KIF26B: variants seen among roughly 807,000 people sequenced by gnomAD.
The protein encoded by KIF26B is kinesin family member 26B.
In KIF26B, 63 loss-of-function variants were observed where a neutral mutation model predicts 151.2. That is an observed-to-expected ratio of 0.42 (90% CI 0.34 to 0.51). The LOEUF is 0.51. Ranked by LOEUF, KIF26B falls within the 20% of genes least tolerant of loss-of-function variation. KIF26B has a pLI of 0.07. For synonymous variants in KIF26B, 1,357 were observed against 1,262.1 expected (o/e 1.08, Z -1.59); for missense variants, 2,813 against 2,913.6 (o/e 0.97, Z 0.79).
In KIF26B at chr1:245,639,446, GTTATT is replaced by G. The variant is rs534329379; in HGVS notation, c.2099-6671_2099-6667del. Among the ~76,000 whole-genome samples the G allele has an allele frequency of 3.7e-3, 566 of 151,406 alleles. 3 individuals are homozygous for G. Among genetic ancestry groups the G allele is most frequent in the Non-Finnish European group, 6.7e-3 (455 of 67,560 alleles). ...TTATTTTGTTGGGGTTTTTTGTATT[GTTATT>G]TTAGTCTCAATTTCATTTATTTCTG... On this transcript the variant is annotated intron_variant, in intron 9 of 14. Transcript: ENST00000407071.
intron 4 of KIF26B, among the ~76,000 whole-genome samples, chr1:245,455,575 G>A (rs1048769149): frequency 6.6e-6 from 1 of 152,172 alleles, no homozygotes; most frequent in Admixed American, 6.5e-5. Context: ...TACAGTTTCA[G>A]TATAAGCAAA....
chr1:245,357,400 A>T (rs937758655), intron 2 of KIF26B, among the ~76,000 whole-genome samples: 1 of 152,198 alleles, frequency 6.6e-6, no homozygotes, highest in African/African-American at 2.4e-5. Flanking sequence ...GCTAAGTGCT[A>T]TGAATGACTT....
At chr1:245,287,928 C>T (rs1390088819) in intron 2 of KIF26B, among the ~76,000 whole-genome samples, 1 of 151,628 alleles carries the variant, frequency 6.6e-6, no homozygotes, top group Non-Finnish European at 1.5e-5. Flanking sequence ...CCACCATCTT[C>T]TGGGTTTTGA....
rs1553270128 is a variant in KIF26B, at chr1:245,390,943, A to AAAC, written c.999+23578_999+23579insCAA. ...TCTCAAAAAAAAAAAAAAAAAAAAAAAAAAAAAAACCACCATAAAATTTTG... is the reference window on the plus strand; with the variant it reads ...TCTCAAAAAAAAAAAAAAAAAAAAAAAACAAAAAAAAACCACCATAAAATTTTG... On this transcript the variant is annotated intron_variant, in intron 3 of 14. Transcript: ENST00000407071. Among the ~76,000 whole-genome samples, 44 of 118,458 alleles carry AAAC rather than the reference A, an allele frequency of 3.7e-4. 4 individuals carry two copies. The highest frequency in any genetic ancestry group is 1.4e-3 in the African/African-American group (35 of 24,448). 77.7% of individuals were successfully genotyped at this position (118,458 alleles called of 152,430 possible). A position where few individuals can be genotyped will look rare whatever the true frequency, so the allele number is the denominator to read the frequency against.
intron 2 of KIF26B, among the ~76,000 whole-genome samples, chr1:245,215,181 G>A (rs913723455): frequency 2.6e-5 from 4 of 151,894 alleles, no homozygotes; most frequent in Admixed American, 6.6e-5. Context: ...GATGGAAAAC[G>A]TCCTCAGGCT....
chr1:245,700,839 C>T (rs1334310801), intron 14 of KIF26B, among the ~76,000 whole-genome samples: 3 of 152,192 alleles, frequency 2.0e-5, no homozygotes, highest in Non-Finnish European at 4.4e-5. Context: ...GCGCACGGGG[C>T]GCTGTGCTTA....
chr1:245,390,943 A>AAAAAAAAAAAAAAAAAAAAAAAAC (rs1553270131), intron 3 of KIF26B, among the ~76,000 whole-genome samples: 2 of 118,458 alleles, frequency 1.7e-5, no homozygotes, highest in East Asian at 2.9e-4. Flanking sequence ...AAAAAAAAAA[A>AAAAAAAAAAAAAAAAAAAAAAAAC]AAAAAAAAAC....
intron 2 of KIF26B, among the ~76,000 whole-genome samples, chr1:245,307,774 T>G (rs912853300): frequency 6.7e-6 from 1 of 149,214 alleles, no homozygotes; most frequent in African/African-American, 2.5e-5. Context: ...GGAGTCTCGC[T>G]CTGTCGCCCA....
chr1:245,413,146 A>G (rs111613877), intron 3 of KIF26B, among the ~76,000 whole-genome samples: 5 of 152,310 alleles, frequency 3.3e-5, no homozygotes, highest in African/African-American at 1.2e-4. Context: ...TGTGATTAGG[A>G]CCACCCCGTG....
chr1:245,380,956 A>T (rs1144585), intron 3 of KIF26B, among the ~76,000 whole-genome samples: 5 of 118,894 alleles, frequency 4.2e-5, no homozygotes, highest in South Asian at 2.4e-4. Context: ...CAAAAAGATG[A>T]AAAAAAAAAA....
At chr1:245,591,476 A>G (rs2043288581) in intron 5 of KIF26B, among the ~76,000 whole-genome samples, 1 of 152,182 alleles carries the variant, frequency 6.6e-6, no homozygotes, top group African/African-American at 2.4e-5. Flanking sequence ...AGGAGGTTAA[A>G]CACTCGTGCA....
At chr1:245,684,199 C>A (rs2044476383) in intron 10 of KIF26B, 34 bp from the exon 11 acceptor site, 2 of 1,594,890 alleles carry the variant, frequency 1.3e-6, no homozygotes, top group East Asian at 2.3e-5. Context: ...GGAAGCATGG[C>A]CGCTAATGCA....
intron 2 of KIF26B, among the ~76,000 whole-genome samples, chr1:245,242,222 C>G (rs1161766881): frequency 6.6e-5 from 10 of 152,176 alleles, no homozygotes; most frequent in African/African-American, 2.4e-4. Context: ...GAGACCCTGT[C>G]TCTATGCCTT....
At chr1:245,175,350 T>G (rs1668785650) in intron 2 of KIF26B, among the ~76,000 whole-genome samples, 1 of 151,826 alleles carries the variant, frequency 6.6e-6, no homozygotes. Context: ...AATCTAAGAA[T>G]GGAGCTTCAA....
At chr1:245,517,412 A>G (rs566987530) in intron 4 of KIF26B, among the ~76,000 whole-genome samples, 1 of 152,238 alleles carries the variant, frequency 6.6e-6, no homozygotes, top group South Asian at 2.1e-4. Flanking sequence ...TTTGGCGACA[A>G]TGACTAAATC....
chr1:245,346,375 C>G (rs1010118738), intron 2 of KIF26B, among the ~76,000 whole-genome samples: 2 of 152,214 alleles, frequency 1.3e-5, no homozygotes, highest in African/African-American at 4.8e-5. Flanking sequence ...ACGTTTGGTG[C>G]TAGCGCCTCA....
chr1:245,450,846 T>C (rs1212347832), intron 4 of KIF26B, among the ~76,000 whole-genome samples: 1 of 152,234 alleles, frequency 6.6e-6, no homozygotes, highest in Non-Finnish European at 1.5e-5. Flanking sequence ...GAAATGTGAA[T>C]GAATTTTTAA....
At chr1:245,217,915 C>T (rs541349579) in intron 2 of KIF26B, among the ~76,000 whole-genome samples, 3 of 152,212 alleles carry the variant, frequency 2.0e-5, no homozygotes, top group African/African-American at 4.8e-5. Flanking sequence ...TCTTGTCACC[C>T]GAATTTTACA....
intron 10 of KIF26B, among the ~76,000 whole-genome samples, chr1:245,669,016 C>T (rs745402509): frequency 6.6e-6 from 1 of 152,156 alleles, no homozygotes; most frequent in African/African-American, 2.4e-5. Context: ...TTAAACCACA[C>T]ATGATACCCA....
Sources: gnomAD v4.1 joint callset for allele counts (sites outside exome capture counted in the v4.1 genomes callset) on GRCh38, gnomAD v4.1.1 for gene constraint, MANE v1.5 for transcripts, NCBI Gene and HGNC (gene_info 2026-07-23, HGNC 2026-07-21) for gene names.